Variants in TBC1D22A observed in about 807,000 individuals in gnomAD.
The protein encoded by TBC1D22A is TBC1 domain family member 22A.
Under a neutral mutation model 60.2 loss-of-function variants are expected in TBC1D22A, and 38 were observed. That is an observed-to-expected ratio of 0.63 (90% CI 0.49 to 0.83). TBC1D22A has a LOEUF of 0.83. Ranked by LOEUF, TBC1D22A falls within the 40% of genes least tolerant of loss-of-function variation. TBC1D22A has a pLI of 0.00. For missense variants in TBC1D22A, 628 were observed against 701.0 expected, an observed-to-expected ratio of 0.90 and a Z score of 1.18; for synonymous variants, 302 against 281.7, an observed-to-expected ratio of 1.07 and a Z score of -0.72.
intron 12 of TBC1D22A, among the ~76,000 whole-genome samples, chr22:47,119,738 G>A (rs1395218908): frequency 2.6e-5 from 4 of 151,948 alleles, no homozygotes; most frequent in Non-Finnish European, 5.9e-5. Flanking sequence ...CTCGTAATCC[G>A]CCCGCCTCAG....
chr22:46,997,558 C>T (rs1030358661), intron 9 of TBC1D22A, 76 bp from the exon 10 acceptor site: 3 of 1,191,480 alleles, frequency 2.5e-6, no homozygotes, highest in Admixed American at 3.6e-5. Flanking sequence ...TCACTTTATC[C>T]CAGCTGCCTT....
chr22:47,139,972 T>C (rs559262678), intron 12 of TBC1D22A, among the ~76,000 whole-genome samples: 2 of 152,378 alleles, frequency 1.3e-5, no homozygotes, highest in South Asian at 2.1e-4. Flanking sequence ...GCTGTGGTCT[T>C]GTCTGCGCTC....
intron 12 of TBC1D22A, among the ~76,000 whole-genome samples, chr22:47,171,209 C>T (rs58172206): frequency 0.035 from 5,329 of 152,306 alleles, 288 homozygotes; most frequent in African/African-American, 0.12. Context: ...CAGAGCCCAG[C>T]TACCCCCCAT....
chr22:46,792,995 G>T (rs1451446364), intron 2 of TBC1D22A, among the ~76,000 whole-genome samples: 29 of 152,400 alleles, frequency 1.9e-4, no homozygotes, highest in Admixed American at 1.9e-3. Flanking sequence ...GCTTGTGCTG[G>T]GCTGTTGTGA....
intron 12 of TBC1D22A, among the ~76,000 whole-genome samples, chr22:47,144,452 T>G (rs1360834475): frequency 6.6e-6 from 1 of 152,230 alleles, no homozygotes; most frequent in Non-Finnish European, 1.5e-5. Context: ...TGGGGGGCCC[T>G]GAGGCCTTGG....
chr22:47,070,123 C>T (rs1209814092), intron 11 of TBC1D22A, among the ~76,000 whole-genome samples: 1 of 138,058 alleles, frequency 7.2e-6, no homozygotes, highest in Non-Finnish European at 1.5e-5. Context: ...CTTGATGGTT[C>T]GAGACTGTTC....
At chr22:46,847,159 C>T (rs183023412) in intron 4 of TBC1D22A, among the ~76,000 whole-genome samples, 2 of 152,294 alleles carry the variant, frequency 1.3e-5, no homozygotes, top group East Asian at 1.9e-4. Context: ...TTGGAGACCC[C>T]AGGTGGGCCT....
intron 1 of TBC1D22A, among the ~76,000 whole-genome samples, chr22:46,783,695 C>T (rs801615): frequency 0.58 from 87,184 of 151,548 alleles, 25,124 homozygotes; most frequent in Middle Eastern, 0.66. Flanking sequence ...CTCTCCTCTT[C>T]AGTGTTCTGT....
chr22:46,846,051 C>T (rs2086976554), intron 4 of TBC1D22A, among the ~76,000 whole-genome samples: 1 of 152,206 alleles, frequency 6.6e-6, no homozygotes, highest in African/African-American at 2.4e-5. Context: ...TTTAGACATC[C>T]ATCTGTCTGG....
intron 1 of TBC1D22A, among the ~76,000 whole-genome samples, chr22:46,775,943 C>T (rs7286014): frequency 0.025 from 3,805 of 152,328 alleles, 161 homozygotes; most frequent in African/African-American, 0.087. Context: ...TTATGGGATG[C>T]GCTCTGTTTG....
intron 9 of TBC1D22A, among the ~76,000 whole-genome samples, chr22:46,977,895 G>A (rs530989547): frequency 9.2e-5 from 14 of 152,332 alleles, no homozygotes; most frequent in South Asian, 2.1e-4. Flanking sequence ...GTCACCTCCA[G>A]CCAGGCCACG....
In TBC1D22A at chr22:46,825,732, C is replaced by T. The variant is rs141222071; in HGVS notation, c.637+28112C>T. 1.2e-4 allele frequency among the ~76,000 whole-genome samples: 19 copies of T among 152,228 alleles called. No homozygotes were observed. In the East Asian group the frequency reaches 3.3e-3, roughly 26 times the overall value. Reference sequence around the variant, plus strand: ...TAAGTGATCCACCCGCTTTGGCCTCCCCAAAGTGCTGGGATTACAGGTATG... The same window carrying T: ...TAAGTGATCCACCCGCTTTGGCCTCTCCAAAGTGCTGGGATTACAGGTATG... On this transcript the variant is annotated intron_variant, in intron 4 of 12. Transcript: ENST00000337137.
intron 12 of TBC1D22A, among the ~76,000 whole-genome samples, chr22:47,154,126 C>T (rs1479811981): frequency 1.3e-5 from 2 of 152,150 alleles, no homozygotes; most frequent in Non-Finnish European, 2.9e-5. Context: ...CCTCCTGGGC[C>T]TCCAGCACTG....
chr22:47,010,995 A>G (rs914596626), intron 10 of TBC1D22A, among the ~76,000 whole-genome samples: 1 of 152,158 alleles, frequency 6.6e-6, no homozygotes, highest in African/African-American at 2.4e-5. Context: ...CCTGCAGTGT[A>G]CTGGGCACTG....
intron 4 of TBC1D22A, among the ~76,000 whole-genome samples, chr22:46,798,501 C>T (rs113698785): frequency 3.7e-3 from 569 of 152,372 alleles, no homozygotes; most frequent in African/African-American, 0.013. Flanking sequence ...ACGCAGTGCC[C>T]ATGTGGACTG....
At position 47,111,049 on chromosome 22, in the gene TBC1D22A, C is replaced by T. The variant is rs73477486; in HGVS notation, c.1330-459C>T. On this transcript the variant is annotated intron_variant, in intron 11 of 12. Coordinates refer to ENST00000337137, the MANE Select transcript of TBC1D22A (RefSeq NM_014346.5). ...GTTCATTTCCCAGGGAGACCCGGAC[C>T]GGGTTGTGGTCCCAGGCCCAGTGCC... is the stretch of plus-strand genomic sequence containing the variant. Among the ~76,000 whole-genome samples the T allele has an allele frequency of 2.3e-3, 343 of 152,326 alleles. 3 individuals are homozygous for T. The highest frequency in any genetic ancestry group is 8.1e-3 in the African/African-American group (335 of 41,554).
intron 12 of TBC1D22A, among the ~76,000 whole-genome samples, chr22:47,135,690 G>A (rs1401825614): frequency 6.6e-6 from 1 of 152,244 alleles, no homozygotes; most frequent in Non-Finnish European, 1.5e-5. Context: ...CTTCTAAATC[G>A]CCCAGAGATC....
At position 47,026,612 on chromosome 22, in the gene TBC1D22A, G is replaced by A. The variant is rs182325327; in HGVS notation, c.1202-10459G>A. ...TAAACTTTATTTTTGTATATTAACA[G>A]TGAGAAATGAGAAATTGAAATTGAA... is the stretch of plus-strand genomic sequence containing the variant. On this transcript the variant is annotated intron_variant, in intron 10 of 12. Transcript: ENST00000337137. 2.0e-4 allele frequency among the ~76,000 whole-genome samples: 31 copies of A among 152,280 alleles called. 1 individual carries two copies. Among genetic ancestry groups the A allele is most frequent in the Admixed American group, 1.9e-3 (29 of 15,290 alleles).
intron 10 of TBC1D22A, among the ~76,000 whole-genome samples, chr22:46,998,311 G>A (rs962582058): frequency 6.6e-6 from 1 of 152,070 alleles, no homozygotes; most frequent in Non-Finnish European, 1.5e-5. Context: ...ATGCTTGCCC[G>A]TTCCAGGCAT....
Sources: allele counts gnomAD v4.1 joint callset (sites outside exome capture counted in the v4.1 genomes callset), GRCh38; gene constraint gnomAD v4.1.1; transcripts MANE v1.5; gene names NCBI Gene and HGNC (gene_info 2026-07-23, HGNC 2026-07-21).